NLGN1: variants seen among roughly 807,000 people sequenced by gnomAD.
NLGN1 encodes neuroligin 1.
Under a neutral mutation model 65.5 loss-of-function variants are expected in NLGN1, and 12 were observed. That is an observed-to-expected ratio of 0.18 (90% CI 0.12 to 0.30). The LOEUF (loss-of-function observed/expected upper bound fraction) is 0.30, where lower values mean the gene tolerates loss of function less well. Among genes scored for constraint, NLGN1 ranks in the 10% least tolerant of loss-of-function variants. The probability of loss-of-function intolerance (pLI) is 1.00; values close to 1 mark genes in which losing one functional copy is unlikely to be tolerated. For missense variants in NLGN1, 750 were observed against 1,007.1 expected, an observed-to-expected ratio of 0.74 and a Z score of 3.46; for synonymous variants, 350 against 359.5, an observed-to-expected ratio of 0.97 and a Z score of 0.30.
At chr3:173,647,056 C>T (rs1047423073) in intron 3 of NLGN1, among the ~76,000 whole-genome samples, 3 of 152,022 alleles carry the variant, frequency 2.0e-5, no homozygotes, top group Non-Finnish European at 4.4e-5. Flanking sequence ...ATCAGTTATA[C>T]CAATTTCAGA....
chr3:173,656,484 C>T (rs1056330828), intron 3 of NLGN1, among the ~76,000 whole-genome samples: 13 of 152,058 alleles, frequency 8.5e-5, no homozygotes, highest in African/African-American at 1.7e-4. Context: ...AGGTGTACTA[C>T]GCAAATGTCA....
At chr3:173,631,684 A>T (rs1312659181) in intron 3 of NLGN1, among the ~76,000 whole-genome samples, 1 of 152,162 alleles carries the variant, frequency 6.6e-6, no homozygotes, top group East Asian at 1.9e-4. Flanking sequence ...TAGTCCAACA[A>T]AGTCAAATTT....
chr3:174,123,956 G>A (rs1160115730), intron 4 of NLGN1, among the ~76,000 whole-genome samples: 1 of 152,100 alleles, frequency 6.6e-6, no homozygotes, highest in Non-Finnish European at 1.5e-5. Flanking sequence ...GTATGTTGAA[G>A]CCCTAACCTC....
chr3:174,221,275 A>G (rs1577422631), intron 4 of NLGN1, among the ~76,000 whole-genome samples: 1 of 152,092 alleles, frequency 6.6e-6, no homozygotes, highest in Admixed American at 6.6e-5. Flanking sequence ...GAAGCAGGCG[A>G]CACTTTAGCT....
intron 4 of NLGN1, among the ~76,000 whole-genome samples, chr3:174,030,917 T>C (rs1239142857): frequency 6.6e-6 from 1 of 152,196 alleles, no homozygotes; most frequent in African/African-American, 2.4e-5. Context: ...CAAAACTCTT[T>C]AGATTCATGT....
intron 4 of NLGN1, among the ~76,000 whole-genome samples, chr3:173,962,810 G>A (rs138626564): frequency 1.3e-5 from 2 of 152,078 alleles, no homozygotes; most frequent in Non-Finnish European, 2.9e-5. Flanking sequence ...AATTTTGAAA[G>A]TTGATGCTCA....
intron 4 of NLGN1, among the ~76,000 whole-genome samples, chr3:174,066,595 T>C (rs909054482): frequency 1.3e-5 from 2 of 150,770 alleles, no homozygotes; most frequent in African/African-American, 4.9e-5. Context: ...TGTGTGTATC[T>C]CATAATTTTG....
intron 4 of NLGN1, among the ~76,000 whole-genome samples, chr3:174,255,150 C>T (rs887789482): frequency 6.6e-5 from 10 of 152,048 alleles, no homozygotes; most frequent in African/African-American, 2.2e-4. Context: ...TTAAGCGAAA[C>T]CTTAGAGACA....
In NLGN1 at chr3:174,071,710, C is replaced by T. The variant is rs571941818; in HGVS notation, c.647-203605C>T. On this transcript the variant is annotated intron_variant, in intron 4 of 6. Transcript: ENST00000457714. ...GACACAGCGAGACCCTTTGCGAGAC[C>T]CTGTCCCAAAAAAAAAAAAAAAAAA... Among the ~76,000 whole-genome samples, 12 of 140,820 alleles carry T rather than the reference C, an allele frequency of 8.5e-5. No individual in the cohort carries two copies. The South Asian group carries it at 1.2e-3, about 14-fold the overall frequency. 92.4% of individuals were successfully genotyped at this position (140,820 alleles called of 152,430 possible).
At chr3:174,236,709 G>A (rs1333737048) in intron 4 of NLGN1, among the ~76,000 whole-genome samples, 1 of 151,942 alleles carries the variant, frequency 6.6e-6, no homozygotes, top group Non-Finnish European at 1.5e-5. Context: ...TTCTTAACCA[G>A]TCACAAATTC....
chr3:173,986,328 A>G (rs1321080185), intron 4 of NLGN1, among the ~76,000 whole-genome samples: 1 of 151,734 alleles, frequency 6.6e-6, no homozygotes, highest in Non-Finnish European at 1.5e-5. Flanking sequence ...TTAGCTGGGC[A>G]TGGTGGTGCG....
intron 2 of NLGN1, among the ~76,000 whole-genome samples, chr3:173,471,424 T>C (rs953557476): frequency 1.3e-5 from 2 of 152,126 alleles, no homozygotes; most frequent in South Asian, 2.1e-4. Context: ...GGCTTGTAGA[T>C]AAACCAACCC....
chr3:173,883,338 CATTT>C (rs1733697260), intron 4 of NLGN1, among the ~76,000 whole-genome samples: 2 of 152,130 alleles, frequency 1.3e-5, no homozygotes, highest in Admixed American at 1.3e-4. Flanking sequence ...ACATACATAA[CATTT>C]ATTGGTATAG....
intron 4 of NLGN1, among the ~76,000 whole-genome samples, chr3:174,182,726 A>G (rs1441938541): frequency 3.3e-5 from 5 of 152,016 alleles, no homozygotes; most frequent in African/African-American, 1.2e-4. Flanking sequence ...ACAATGGAAA[A>G]CTCTCCATGT....
chr3:173,452,131 C>A (rs1721674151), intron 2 of NLGN1, among the ~76,000 whole-genome samples: 1 of 152,214 alleles, frequency 6.6e-6, no homozygotes, highest in African/African-American at 2.4e-5. Context: ...ATGCAGAAAT[C>A]ACCCATCTTC....
intron 3 of NLGN1, among the ~76,000 whole-genome samples, chr3:173,651,220 A>C (rs1759121599): frequency 6.6e-6 from 1 of 151,734 alleles, no homozygotes; most frequent in African/African-American, 2.4e-5. Context: ...TCCTCTTAAG[A>C]TAATGACCTC....
At chr3:173,865,073 C>T (rs1439420303) in intron 4 of NLGN1, among the ~76,000 whole-genome samples, 3 of 152,110 alleles carry the variant, frequency 2.0e-5, no homozygotes, top group Non-Finnish European at 4.4e-5. Context: ...TGGTCTGGTA[C>T]TAATGCCAGG....
chr3:174,144,896 CTTTAG>C (rs1033198339), intron 4 of NLGN1, among the ~76,000 whole-genome samples: 118 of 152,202 alleles, frequency 7.8e-4, no homozygotes, highest in African/African-American at 2.8e-3. Flanking sequence ...TGCAGAAGCT[CTTTAG>C]TTTAATTAGA....
At chr3:173,816,140 T>C (rs1276888756) in intron 4 of NLGN1, among the ~76,000 whole-genome samples, 1 of 151,274 alleles carries the variant, frequency 6.6e-6, no homozygotes, top group Non-Finnish European at 1.5e-5. Flanking sequence ...ACTATAATTA[T>C]AATTATTATA....
Sources: gnomAD v4.1 joint callset for allele counts (sites outside exome capture counted in the v4.1 genomes callset) on GRCh38, gnomAD v4.1.1 for gene constraint, MANE v1.5 for transcripts, NCBI Gene and HGNC (gene_info 2026-07-23, HGNC 2026-07-21) for gene names.